LRP8: variants seen among roughly 807,000 people sequenced by gnomAD.
The protein encoded by LRP8 is low-density lipoprotein receptor-related protein 8.
Under a neutral mutation model 111.6 loss-of-function variants are expected in LRP8, and 46 were observed. That is an observed-to-expected ratio of 0.41 (90% CI 0.33 to 0.53). The LOEUF (loss-of-function observed/expected upper bound fraction) is 0.53. Among genes scored for constraint, LRP8 ranks in the 20% least tolerant of loss-of-function variants. LRP8 has a pLI of 0.20. For missense variants in LRP8, 959 were observed against 1,297.4 expected (o/e 0.74, Z 4.01); for synonymous variants, 464 against 511.2 (o/e 0.91, Z 1.24).
intron 1 of LRP8, chr1:53,327,527 C>G (rs1655309822): frequency 2.5e-6 from 1 of 398,284 alleles, no homozygotes; most frequent in African/African-American, 2.1e-5. Context: ...GGCCGCCCCT[C>G]CGGCAAAGTT....
chr1:53,269,171 C>T (rs999328543), intron 8 of LRP8, among the ~76,000 whole-genome samples: 1 of 152,198 alleles, frequency 6.6e-6, no homozygotes, highest in Non-Finnish European at 1.5e-5. Flanking sequence ...GTACCAGCTT[C>T]CTTGCTATTC....
intron 2 of LRP8, among the ~76,000 whole-genome samples, chr1:53,307,851 G>C (rs1246286659): frequency 6.6e-6 from 1 of 152,330 alleles, no homozygotes; most frequent in East Asian, 1.9e-4. Flanking sequence ...AGGCCAAGGC[G>C]GGAAGCAGGA....
rs1419899134 is a variant in LRP8, at chr1:53,250,572, GACGGAAGGAAGGAAGGGAGGGAAGA to G, written c.2676+93_2676+117del. The G allele has an allele frequency of 3.7e-5, 31 of 833,010 alleles. No homozygotes were observed. In the East Asian group the frequency reaches 8.0e-4, roughly 21 times the overall value. The allele number at this position is 833,010 out of a possible 1,614,324, so 51.6% of individuals were successfully genotyped here. A position where few individuals can be genotyped will look rare whatever the true frequency, so the allele number is the denominator to read the frequency against. ...GACGGAAGGAAAGGAGGGAGGGAAG[GACGGAAGGAAGGAAGGGAGGGAAGA>G]AAGGATGGGAAGGAAGAAAGGATGG... On this transcript the variant is annotated intron_variant, in intron 17 of 18. Transcript: ENST00000306052. The surrounding 1 kb of genome is among the most constrained non-coding windows in gnomAD (Gnocchi z 4.6).
Position 53,327,908 on chromosome 1 carries a change from C to T in LRP8, c.5G>A (p.Gly2Asp), listed in dbSNP as rs1655399134. Residue 2 changes from glycine (G) to aspartate (D), a missense_variant, in exon 1 of 19, where the codon GGC (glycine) becomes GAC (aspartate). This residue lies in a region of LRP8 where 97 missense variants were observed against 107.5 expected (regional missense o/e 0.90). Transcript: ENST00000306052. ...CCGGAGAGGGCCCGGCTCGGGGAGG[C>T]CCATGGCGGGCCCGGGGCTCCGGCC... M[G>D]LPEPGPLRLL... 1.5e-6 allele frequency: 2 copies of T among 1,332,190 alleles called. No individual in the cohort carries two copies. The highest frequency in any genetic ancestry group is 1.9e-6 in the Non-Finnish European group (2 of 1,040,262). The allele number at this position is 1,332,190 out of a possible 1,614,324, so 82.5% of individuals were successfully genotyped here.
At chr1:53,252,146 G>T (rs952951690) in intron 16 of LRP8, among the ~76,000 whole-genome samples, 12 of 152,038 alleles carry the variant, frequency 7.9e-5, no homozygotes, top group Non-Finnish European at 1.3e-4. Context: ...AAGAGAAGCT[G>T]GTGAAAAACT....
At chr1:53,258,602 T>G in intron 13 of LRP8, 131 bp from the exon 14 acceptor site, 1 of 735,056 alleles carries the variant, frequency 1.4e-6, no homozygotes, top group Middle Eastern at 4.1e-4. Flanking sequence ...CACATTTTTT[T>G]TCTTTTTCTT....
chr1:53,262,303 A>G lies in LRP8; in HGVS notation c.1775-96T>C. The G allele has an allele frequency of 1.3e-6, 2 of 1,538,808 alleles. No homozygotes were observed. The highest frequency in any genetic ancestry group is 4.5e-5 in the East Asian group (2 of 44,320). ...CCCTGCCCACATTTCTAGGCCTCAC[A>G]CTGAGGCCAGCCTACGGCAACCATT... On this transcript the variant is annotated intron_variant, in intron 11 of 18. Coordinates refer to ENST00000306052, the MANE Select transcript of LRP8 (RefSeq NM_004631.5). This position sits in a 1 kb window ranked among gnomAD's most constrained non-coding sequence, Gnocchi z 4.8.
chr1:53,312,848 A>G (rs951659649), intron 2 of LRP8, among the ~76,000 whole-genome samples: 2 of 152,154 alleles, frequency 1.3e-5, no homozygotes, highest in Admixed American at 1.3e-4. Flanking sequence ...TAAAACTGGG[A>G]TAGTTCTGAG....
In LRP8 at chr1:53,289,371, C is replaced by T. The variant is rs867325648; in HGVS notation, c.367+196G>A. On this transcript the variant is annotated intron_variant, in intron 3 of 18. Coordinates refer to ENST00000306052, the MANE Select transcript of LRP8 (RefSeq NM_004631.5). The stretch of plus-strand genomic sequence containing the variant: ...TGCCACAGAAACAGGGTCCAACCTA[C>T]AAGAGGGCTGTGAAGAAAGTCCAGA... 6.1e-5 allele frequency: 40 copies of T among 654,766 alleles called. No homozygotes were observed. In the African/African-American group the frequency reaches 6.4e-4, roughly 10 times the overall value. 40.6% of individuals were successfully genotyped at this position (654,766 alleles called of 1,614,324 possible).
chr1:53,311,474 GC>G (rs1652984776), intron 2 of LRP8, among the ~76,000 whole-genome samples: 1 of 152,016 alleles, frequency 6.6e-6, no homozygotes, highest in African/African-American at 2.4e-5. Context: ...CCCCAACTCT[GC>G]CCGCCTGTGG....
At position 53,244,922 on chromosome 1, in the gene LRP8, C is replaced by G. The variant is rs796101464; in HGVS notation, c.*2096G>C. On this transcript the variant is annotated 3_prime_UTR_variant, in exon 19 of 19. Transcript: ENST00000306052. The stretch of plus-strand genomic sequence containing the variant: ...AGTAAGCTCCATAGGAGTTGGCCAC[C>G]TGTTCTTAAAATTCTGTTTGGTATT... 2.6e-5 allele frequency: 4 copies of G among 152,198 alleles called. No homozygotes were observed. The highest frequency in any genetic ancestry group is 9.6e-5 in the African/African-American group (4 of 41,506). 9.4% of individuals were successfully genotyped at this position (152,198 alleles called of 1,614,324 possible).
In LRP8 at chr1:53,276,705, G is replaced by A. The variant is rs528389043; in HGVS notation, c.870C>T (p.Asp290=). The change falls in exon 5 of 19, where the codon GAC becomes GAT. Residue 290 remains aspartate, a synonymous_variant. Coordinates refer to ENST00000306052, the MANE Select transcript of LRP8 (RefSeq NM_004631.5). ...GAGGGGGCTTACGGCAGTCGGCCTC[G>A]TCCGATTTGTCTTTGCAGTCGCGGT... ...DGDRDCKDKS[D]EADCPLGTCR... is the part of the protein sequence containing the mutation. The A allele has an allele frequency of 4.0e-5, 61 of 1,538,568 alleles. No individual in the cohort carries two copies. The African/African-American group carries it at 6.3e-4, about 16-fold the overall frequency.
intron 2 of LRP8, among the ~76,000 whole-genome samples, chr1:53,304,350 C>G (rs954973733): frequency 6.6e-6 from 1 of 152,188 alleles, no homozygotes; most frequent in African/African-American, 2.4e-5. Flanking sequence ...GGCAGGCCCA[C>G]GCGCAGCCAC....
chr1:53,255,309 G>A, intron 15 of LRP8, 124 bp from the exon 16 acceptor site: 2 of 799,646 alleles, frequency 2.5e-6, no homozygotes, highest in Non-Finnish European at 4.2e-6. Context: ...GATCCTGGCT[G>A]TTGCCTAATA....
chr1:53,327,149 C>G, intron 1 of LRP8, 157 bp from the exon 2 acceptor site: 1 of 1,007,620 alleles, frequency 9.9e-7, no homozygotes, highest in Non-Finnish European at 1.4e-6. Flanking sequence ...AGGGAGGGCA[C>G]GATGGCAGGG....
rs1647032785 is a variant in LRP8, at chr1:53,279,329, G to C, written c.496+1258C>G. Among the ~76,000 whole-genome samples the C allele has an allele frequency of 6.6e-6, 1 of 152,176 alleles. No individual in the cohort carries two copies. The highest frequency in any genetic ancestry group is 2.4e-5 in the African/African-American group (1 of 41,436). ...ACCTCTCTCTCCCATAATTAATGGG[G>C]AATGTTCCTATTCCAACATGCCCTA... On this transcript the variant is annotated intron_variant, in intron 4 of 18. Coordinates refer to ENST00000306052, the MANE Select transcript of LRP8 (RefSeq NM_004631.5). This position sits in a 1 kb window ranked among gnomAD's most constrained non-coding sequence, Gnocchi z 4.4.
intron 2 of LRP8, among the ~76,000 whole-genome samples, chr1:53,318,731 A>C (rs951572527): frequency 2.6e-5 from 4 of 152,174 alleles, no homozygotes; most frequent in African/African-American, 9.7e-5. Context: ...AACTACTGTT[A>C]TTGCCATAGA....
In LRP8 at chr1:53,294,206, C is replaced by G. The variant is rs1372595052; in HGVS notation, c.245-4517G>C. ...GGACAATGCCCACCTCTGTGAGTCC[C>G]TCAGCCCAGGAGTGATACATAGTCA... On this transcript the variant is annotated intron_variant, in intron 2 of 18. Transcript: ENST00000306052. The surrounding 1 kb of genome is among the most constrained non-coding windows in gnomAD (Gnocchi z 4.1). Among the ~76,000 whole-genome samples the G allele has an allele frequency of 1.3e-5, 2 of 152,162 alleles. No homozygotes were observed. Among genetic ancestry groups the G allele is most frequent in the African/African-American group, 4.8e-5 (2 of 41,438 alleles).
At chr1:53,253,796 T>A (rs1645978056) in intron 16 of LRP8, among the ~76,000 whole-genome samples, 1 of 152,212 alleles carries the variant, frequency 6.6e-6, no homozygotes, top group Non-Finnish European at 1.5e-5. Context: ...TACCTTTCCT[T>A]CTACCATCCC....
Sources: gnomAD v4.1 joint callset for allele counts (sites outside exome capture counted in the v4.1 genomes callset) on GRCh38, gnomAD v4.1.1 for gene constraint, gnomAD v4.1.1 regional missense constraint, Gnocchi (gnomAD v3.1) non-coding constraint, MANE v1.5 for transcripts, NCBI Gene and HGNC (gene_info 2026-07-23, HGNC 2026-07-21) for gene names.